The following SLC13A5 variants were observed in gnomAD, a reference collection of about 807,000 sequenced individuals.
SLC13A5 encodes Na(+)/citrate cotransporter.
Under a neutral mutation model 56.5 loss-of-function variants are expected in SLC13A5, and 25 were observed. The ratio of observed to expected loss-of-function variants is 0.44; its 90% CI spans 0.32 to 0.62. The LOEUF (loss-of-function observed/expected upper bound fraction) is 0.62. Ranked by LOEUF, SLC13A5 falls within the 20% of genes least tolerant of loss-of-function variation. The probability of loss-of-function intolerance (pLI) is 0.04; values close to 1 mark genes in which losing one functional copy is unlikely to be tolerated. For synonymous variants in SLC13A5, 307 were observed against 301.5 expected, an observed-to-expected ratio of 1.02 and a Z score of -0.19; for missense variants, 649 against 737.8, an observed-to-expected ratio of 0.88 and a Z score of 1.39.
chr17:6,688,465 T>C (rs905543275), intron 10 of SLC13A5: 1 of 152,230 alleles, frequency 6.6e-6, no homozygotes, highest in African/African-American at 2.4e-5. Context: ...CATGGTTAGA[T>C]TTTTTAAAAA....
chr17:6,693,927 A>G lies in SLC13A5; in HGVS notation c.1156+170T>C, dbSNP rs58910651. ...TTAAAAAGCAAAAAAGATATTTTGC[A>G]CTAAATAATACCACCGGTGGCTTGA... On this transcript the variant is annotated intron_variant, in intron 8 of 11. Coordinates refer to ENST00000433363, the MANE Select transcript of SLC13A5 (RefSeq NM_177550.5). 0.14 allele frequency among the ~76,000 whole-genome samples: 21,628 copies of G among 152,298 alleles called. 2,429 individuals carry two copies. Among genetic ancestry groups the G allele is most frequent in the East Asian group, 0.59 (3,054 of 5,168 alleles).
rs1049086007 is a variant in SLC13A5 at position 6,692,091 on chromosome 17, A to G, written c.1275+953T>C. Among the ~76,000 whole-genome samples the G allele has an allele frequency of 1.3e-5, 2 of 151,870 alleles. No individual in the cohort carries two copies. The highest frequency in any genetic ancestry group is 2.9e-5 in the Non-Finnish European group (2 of 68,018). On this transcript the variant is annotated intron_variant, in intron 9 of 11. Coordinates refer to ENST00000433363, the MANE Select transcript of SLC13A5 (RefSeq NM_177550.5). This position sits in a 1 kb window ranked among gnomAD's most constrained non-coding sequence, Gnocchi z 5.5. ...CTCTGTGCCTGGCATAACACTAGGG[A>G]CATAATAGGAATGTTGGATGGATGG... is the stretch of plus-strand genomic sequence containing the variant.
Position 6,701,339 on chromosome 17 carries a change from G to C in SLC13A5, c.717-213C>G, listed in dbSNP as rs555811046. Among the ~76,000 whole-genome samples the C allele has an allele frequency of 1.3e-5, 2 of 152,364 alleles. No individual in the cohort carries two copies. The highest frequency in any genetic ancestry group is 4.8e-5 in the African/African-American group (2 of 41,580). On this transcript the variant is annotated intron_variant, in intron 5 of 11. Transcript: ENST00000433363. This position sits in a 1 kb window ranked among gnomAD's most constrained non-coding sequence, Gnocchi z 4.1. ...TGGCCACAGCACAAGACAAGGCCGA[G>C]AAATGACCCACTGACTCTTCTGTGT...
chr17:6,690,672 G>A lies in SLC13A5; in HGVS notation c.1437+107C>T, dbSNP rs1973381531. ...TCACAGTCAGACCTGGGTCTCCAAA[G>A]CCTGGTCTGAGTCTGGCCTGGACAT... On this transcript the variant is annotated intron_variant, in intron 10 of 11. Transcript: ENST00000433363. 5.3e-6 allele frequency: 8 copies of A among 1,503,388 alleles called. No homozygotes were observed. In the East Asian group the frequency reaches 1.6e-4, roughly 30 times the overall value. The allele number at this position is 1,503,388 out of a possible 1,614,324, so 93.1% of individuals were successfully genotyped here. A position where few individuals can be genotyped will look rare whatever the true frequency, so the allele number is the denominator to read the frequency against.
Position 6,686,292 on chromosome 17 carries a change from AAC to A in SLC13A5, c.1620_1621del (p.Leu542GlyfsTer11), listed in dbSNP as rs1567612355. On this transcript the variant is annotated frameshift_variant, in exon 12 of 12. Transcript: ENST00000433363. LOFTEE classifies it high-confidence loss of function. ...CCGTCCCCAGGTGTTGACAGCCAAA[AAC>A]ACACAGAAGACTCCAATTATGTTCA... 2 of 1,614,152 alleles carry A rather than the reference AAC, an allele frequency of 1.2e-6. No homozygotes were observed. The highest frequency in any genetic ancestry group is 2.2e-5 in the East Asian group (1 of 44,870).
At chr17:6,699,473 C>CT (rs200072744) in intron 6 of SLC13A5, among the ~76,000 whole-genome samples, 23 of 150,024 alleles carry the variant, frequency 1.5e-4, no homozygotes, top group South Asian at 8.5e-4. Context: ...TGTATAGCAA[C>CT]TTTTTTTTTT....
rs529835308 is a variant in SLC13A5 at position 6,702,175 on chromosome 17, C to T, written c.716+795G>A. On this transcript the variant is annotated intron_variant, in intron 5 of 11. Transcript: ENST00000433363. ...ACTGCCCTCCCCACCCCTGTCCAGG[C>T]TCCTGTCTGCAAAGGATGGCATCAC... Among the ~76,000 whole-genome samples the T allele has an allele frequency of 3.3e-5, 5 of 152,326 alleles. No individual in the cohort carries two copies. The South Asian group carries it at 8.3e-4, about 25-fold the overall frequency.
chr17:6,687,565 G>T lies in SLC13A5; in HGVS notation c.1539C>A (p.Ile513=). Reference sequence around the variant, plus strand: ...CCTTGAGGTGCCCATAGGTGAACACGATGGCATTTGGAGGGGTGGCCACAG... The same window carrying T: ...CCTTGAGGTGCCCATAGGTGAACACTATGGCATTTGGAGGGGTGGCCACAG... ...MLPVATPPNA[I]VFTYGHLKVA... The change falls in exon 11 of 12, where the codon ATC becomes ATA. Residue 513 remains isoleucine, a synonymous_variant. Transcript: ENST00000433363. The surrounding 1 kb of genome is among the most constrained non-coding windows in gnomAD (Gnocchi z 5.0). 1 of 1,613,860 alleles carries T rather than the reference G, an allele frequency of 6.2e-7. No homozygotes were observed. The highest frequency in any genetic ancestry group is 8.5e-7 in the Non-Finnish European group (1 of 1,179,918).
rs377021126 is a variant in SLC13A5, at chr17:6,695,861, C to T, written c.920G>A (p.Arg307Gln). Reference sequence around the variant, plus strand: ...CGCGAAGGACAAGGGCCCCAGCTTCCGGTACTCCTCCTGCAGCACCTTGAG... The same window carrying T: ...CGCGAAGGACAAGGGCCCCAGCTTCTGGTACTCCTCCTGCAGCACCTTGAG... Reference protein sequence around the residue: ...AALKVLQEEYRKLGPLSFAEI... With the variant: ...AALKVLQEEYQKLGPLSFAEI... The change falls in exon 7 of 12, where the codon CGG (arginine) becomes CAG (glutamine). Residue 307 changes from arginine to glutamine, a missense_variant. Physicochemically the swap from Arg to Gln is conservative, Grantham distance 43. Transcript: ENST00000433363. 4.0e-5 allele frequency: 64 copies of T among 1,613,976 alleles called. No individual in the cohort carries two copies. Among genetic ancestry groups the T allele is most frequent in the African/African-American group, 5.3e-5 (4 of 74,892 alleles).
At chr17:6,699,520 G>C (rs2151490727) in intron 6 of SLC13A5, among the ~76,000 whole-genome samples, 1 of 152,258 alleles carries the variant, frequency 6.6e-6, no homozygotes, top group East Asian at 1.9e-4. Context: ...GCCCAGGCTG[G>C]AGTGCAGTGG....
intron 1 of SLC13A5, among the ~76,000 whole-genome samples, chr17:6,707,578 A>C (rs768545456): frequency 6.6e-6 from 1 of 152,182 alleles, no homozygotes; most frequent in Non-Finnish European, 1.5e-5. Context: ...GAAAGGAGGA[A>C]GAGGAGAAGG....
intron 1 of SLC13A5, among the ~76,000 whole-genome samples, chr17:6,712,423 CT>C (rs1229919499): frequency 1.3e-5 from 2 of 152,264 alleles, no homozygotes; most frequent in Non-Finnish European, 2.9e-5. Flanking sequence ...TGCGCCCACC[CT>C]GCGGCCAAGG....
Position 6,700,651 on chromosome 17 carries a change from C to T in SLC13A5, c.839+353G>A, listed in dbSNP as rs879518814. ...TGGTTCTGGAGGAATTCAAAGTCACCGGAAGCCAAATGCAGATACTAAAGG... is the reference window on the plus strand; with the variant it reads ...TGGTTCTGGAGGAATTCAAAGTCACTGGAAGCCAAATGCAGATACTAAAGG... On this transcript the variant is annotated intron_variant, in intron 6 of 11. Coordinates refer to ENST00000433363, the MANE Select transcript of SLC13A5 (RefSeq NM_177550.5). Among the ~76,000 whole-genome samples, 3 of 152,098 alleles carry T rather than the reference C, an allele frequency of 2.0e-5. 1 individual carries two copies. The highest frequency in any genetic ancestry group is 4.2e-4 in the South Asian group (2 of 4,814).
Position 6,687,576 on chromosome 17 carries a change from G to C in SLC13A5, c.1528C>G (p.Pro510Ala). ...FAFMLPVATPPNAIVFTYGHL... is the reference protein window; with the variant it reads ...FAFMLPVATPANAIVFTYGHL... ...CCATAGGTGAACACGATGGCATTTGGAGGGGTGGCCACAGGCAACATGAAG... is the reference window on the plus strand; with the variant it reads ...CCATAGGTGAACACGATGGCATTTGCAGGGGTGGCCACAGGCAACATGAAG... Residue 510 changes from proline to alanine, a missense_variant, in exon 11 of 12, where the codon CCA becomes GCA. Pro to Ala is a conservative substitution (Grantham distance 27, BLOSUM62 -1). Transcript: ENST00000433363. The surrounding 1 kb of genome is among the most constrained non-coding windows in gnomAD (Gnocchi z 5.0). 6.2e-7 allele frequency: 1 copy of C among 1,613,938 alleles called. No individual in the cohort carries two copies. Among genetic ancestry groups the C allele is most frequent in the Non-Finnish European group, 8.5e-7 (1 of 1,179,956 alleles).
intron 1 of SLC13A5, among the ~76,000 whole-genome samples, chr17:6,710,917 A>G (rs767037157): frequency 2.6e-5 from 4 of 152,210 alleles, no homozygotes; most frequent in Non-Finnish European, 5.9e-5. Flanking sequence ...TTTACATTTT[A>G]ATAAAATAAG....
At position 6,708,365 on chromosome 17, in the gene SLC13A5, T is replaced by A. The variant is rs1024827405; in HGVS notation, c.103-1209A>T. ...CCCCAGCCATTAGCATATGGAGTTGTCACTGTTTCCTCAACTGTCCTTCTA... is the reference window on the plus strand; with the variant it reads ...CCCCAGCCATTAGCATATGGAGTTGACACTGTTTCCTCAACTGTCCTTCTA... On this transcript the variant is annotated intron_variant, in intron 1 of 11. Transcript: ENST00000433363. 2.6e-5 allele frequency among the ~76,000 whole-genome samples: 4 copies of A among 152,220 alleles called. No homozygotes were observed. In the East Asian group the frequency reaches 7.7e-4, roughly 29 times the overall value.
chr17:6,702,077 G>A (rs1330838240), intron 5 of SLC13A5, among the ~76,000 whole-genome samples: 2 of 152,124 alleles, frequency 1.3e-5, no homozygotes, highest in African/African-American at 2.4e-5. Context: ...TAAAACAAAC[G>A]GGTTGTTGAA....
chr17:6,710,340 C>T (rs1244351747), intron 1 of SLC13A5, among the ~76,000 whole-genome samples: 1 of 152,230 alleles, frequency 6.6e-6, no homozygotes, highest in Non-Finnish European at 1.5e-5. Context: ...ACTCCTCCTG[C>T]TCCCAATCCT....
intron 2 of SLC13A5, 31 bp from the exon 3 acceptor site, chr17:6,706,809 C>T (rs1473052485): frequency 6.2e-7 from 1 of 1,611,906 alleles, no homozygotes; most frequent in South Asian, 1.1e-5. Context: ...CTCATCAGGA[C>T]TGTCCCTTGC....
Sources: allele counts gnomAD v4.1 joint callset (sites outside exome capture counted in the v4.1 genomes callset), GRCh38; gene constraint gnomAD v4.1.1; non-coding constraint Gnocchi (gnomAD v3.1); transcripts MANE v1.5; gene names NCBI Gene and HGNC (gene_info 2026-07-23, HGNC 2026-07-21).